Variants in TRARG1 observed in about 807,000 individuals in gnomAD.
TRARG1 encodes trafficking regulator of GLUT4 1.
In TRARG1, 16 loss-of-function variants were observed where a neutral mutation model predicts 13.3. The observed-to-expected ratio is 1.20, with a 90% CI of 0.81 to 1.83. TRARG1 has a LOEUF of 1.83. TRARG1 is among the 40% of genes most tolerant of loss of function. TRARG1 has a pLI of 0.00. For missense variants in TRARG1, 250 were observed against 237.4 expected, an observed-to-expected ratio of 1.05 and a Z score of -0.35; for synonymous variants, 113 against 106.2, an observed-to-expected ratio of 1.06 and a Z score of -0.39.
chr17:1,293,983 G>T (rs946037307), intron 1 of TRARG1, among the ~76,000 whole-genome samples: 1 of 152,186 alleles, frequency 6.6e-6, no homozygotes, highest in Non-Finnish European at 1.5e-5. Context: ...TGCCTGGCAT[G>T]AAGTAAAATC....
chr17:1,289,997 A>C (rs552828709), intron 1 of TRARG1, among the ~76,000 whole-genome samples: 1 of 152,214 alleles, frequency 6.6e-6, no homozygotes, highest in East Asian at 1.9e-4. Flanking sequence ...TCCTCCCAGC[A>C]CCCAAGCCGG....
Position 1,294,532 on chromosome 17 carries a change from T to TCCTGGCTCACTGCAAC in TRARG1, c.388-958_388-957insCTGGCTCACTGCAACC, listed in dbSNP as rs769003951. On this transcript the variant is annotated intron_variant, in intron 1 of 2. Transcript: ENST00000333813. The stretch of plus-strand genomic sequence containing the variant: ...ACCAGGCTGGAGTGCAATGGCGCAA[T>TCCTGGCTCACTGCAAC]CTTGGCTCACTGCAACCTCCACCTC... Among the ~76,000 whole-genome samples the TCCTGGCTCACTGCAAC allele has an allele frequency of 3.2e-3, 452 of 140,116 alleles. 1 individual carries two copies. The highest frequency in any genetic ancestry group is 0.012 in the Middle Eastern group (3 of 256). The allele number at this position is 140,116 out of a possible 152,430, so 91.9% of individuals were successfully genotyped here.
intron 1 of TRARG1, among the ~76,000 whole-genome samples, chr17:1,281,949 CACAT>C (rs2071975545): frequency 6.6e-6 from 1 of 151,616 alleles, no homozygotes; most frequent in African/African-American, 2.4e-5. Flanking sequence ...TACATATATG[CACAT>C]ACATGTACAT....
rs568148069 is a variant in TRARG1 at position 1,280,254 on chromosome 17, A to C, written c.253A>C (p.Arg85=). ...GTCCCCCTCCCGGGCCAGCTCAAGG[A>C]GGGCGTCCTCCATCGCCACCACCTC... The part of the protein sequence containing the change: ...PRSPSRASSR[R]ASSIATTSYA... The change falls in exon 1 of 3, where the codon AGG becomes CGG. Residue 85 remains arginine (R), a synonymous_variant. Coordinates refer to ENST00000333813, the MANE Select transcript of TRARG1 (RefSeq NM_172367.3). The C allele has an allele frequency of 1.2e-6, 2 of 1,614,034 alleles. No homozygotes were observed. Among genetic ancestry groups the C allele is most frequent in the South Asian group, 1.1e-5 (1 of 91,048 alleles).
rs2072128049 is a variant in TRARG1 at position 1,298,394 on chromosome 17, C to G, written c.*130C>G. On this transcript the variant is annotated 3_prime_UTR_variant, in exon 3 of 3. Coordinates refer to ENST00000333813, the MANE Select transcript of TRARG1 (RefSeq NM_172367.3). Reference sequence around the variant, plus strand: ...TCCCCAAGTTCCAAAAGCACAGACTCAAAGGGAAACCCCCCAGTCACCCAC... The same window carrying G: ...TCCCCAAGTTCCAAAAGCACAGACTGAAAGGGAAACCCCCCAGTCACCCAC... 2.4e-5 allele frequency: 23 copies of G among 968,336 alleles called. No homozygotes were observed. The highest frequency in any genetic ancestry group is 3.1e-5 in the Non-Finnish European group (20 of 651,690). The allele number at this position is 968,336 out of a possible 1,614,324, so 60.0% of individuals were successfully genotyped here.
intron 2 of TRARG1, among the ~76,000 whole-genome samples, chr17:1,296,296 A>G (rs2072110167): frequency 2.0e-5 from 3 of 152,134 alleles, no homozygotes; most frequent in Non-Finnish European, 1.5e-5. Flanking sequence ...TTCCGGGTTC[A>G]AGTGATTCTC....
At position 1,300,040 on chromosome 17, in the gene TRARG1, A is replaced by C. The variant is rs1192309477; in HGVS notation, c.*1776A>C. The C allele has an allele frequency of 3.3e-5, 5 of 152,182 alleles. No individual in the cohort carries two copies. The highest frequency in any genetic ancestry group is 1.2e-4 in the African/African-American group (5 of 41,406). 9.4% of individuals were successfully genotyped at this position (152,182 alleles called of 1,614,324 possible). A position where few individuals can be genotyped will look rare whatever the true frequency, so the allele number is the denominator to read the frequency against. The stretch of plus-strand genomic sequence containing the variant: ...GGCTGGTGTTCCTACGTCAGTCCCC[A>C]CCTGGGGAATAAACTCCAGCCTCTC... On this transcript the variant is annotated 3_prime_UTR_variant, in exon 3 of 3. Transcript: ENST00000333813.
In TRARG1 at chr17:1,299,808, G is replaced by C. The variant is rs552503505; in HGVS notation, c.*1544G>C. ...AAGTCAGCATCCTTTGTCCCATCAG[G>C]ACCCTCCTGCCTCCTCTCCAGGCCC... On this transcript the variant is annotated 3_prime_UTR_variant, in exon 3 of 3. Coordinates refer to ENST00000333813, the MANE Select transcript of TRARG1 (RefSeq NM_172367.3). 4.6e-5 allele frequency: 7 copies of C among 150,656 alleles called. No homozygotes were observed. The East Asian group carries it at 1.3e-3, about 29-fold the overall frequency. The allele number at this position is 150,656 out of a possible 1,614,324, so 9.3% of individuals were successfully genotyped here.
chr17:1,291,866 A>C (rs1204759546), intron 1 of TRARG1, among the ~76,000 whole-genome samples: 1 of 152,198 alleles, frequency 6.6e-6, no homozygotes, highest in Non-Finnish European at 1.5e-5. Context: ...ACCTCAAGCA[A>C]CTCAGACTGG....
chr17:1,290,310 T>A (rs1298084620), intron 1 of TRARG1, among the ~76,000 whole-genome samples: 2 of 152,148 alleles, frequency 1.3e-5, no homozygotes, highest in African/African-American at 4.8e-5. Flanking sequence ...TGTTGTTTTG[T>A]TTTGAGATGG....
chr17:1,290,327 G>C (rs1010514021), intron 1 of TRARG1, among the ~76,000 whole-genome samples: 1 of 152,020 alleles, frequency 6.6e-6, no homozygotes, highest in Admixed American at 6.6e-5. Context: ...ATGGAGTTTC[G>C]CTCTGTTGCC....
At chr17:1,288,366 C>CCCCATCCCCCACGGGT (rs2072039711) in intron 1 of TRARG1, among the ~76,000 whole-genome samples, 2 of 56,890 alleles carry the variant, frequency 3.5e-5, no homozygotes, top group Non-Finnish European at 5.8e-5. Context: ...CCCCCATGGG[C>CCCCATCCCCCACGGGT]TCCCCATCCC....
chr17:1,279,914 C>A lies in TRARG1; in HGVS notation c.-88C>A. On this transcript the variant is annotated 5_prime_UTR_variant, in exon 1 of 3. Coordinates refer to ENST00000333813, the MANE Select transcript of TRARG1 (RefSeq NM_172367.3). ...CCCCTGCCCCCGACCTGGAGGCCCT[C>A]AGTCTGGGCTGGGGAATGGCGCGCT... 6.8e-7 allele frequency: 1 copy of A among 1,468,066 alleles called. No homozygotes were observed. Among genetic ancestry groups the A allele is most frequent in the Non-Finnish European group, 9.1e-7 (1 of 1,098,024 alleles). 90.9% of individuals were successfully genotyped at this position (1,468,066 alleles called of 1,614,324 possible). A position where few individuals can be genotyped will look rare whatever the true frequency, so the allele number is the denominator to read the frequency against.
intron 1 of TRARG1, among the ~76,000 whole-genome samples, chr17:1,287,813 C>T (rs957336121): frequency 3.3e-5 from 5 of 151,990 alleles, no homozygotes; most frequent in Middle Eastern, 3.2e-3. Context: ...CCATCAAGCC[C>T]GGCTGATATT....
At position 1,279,874 on chromosome 17, in the gene TRARG1, G is replaced by T; in HGVS notation, c.-128G>T. 2 of 1,127,054 alleles carry T rather than the reference G, an allele frequency of 1.8e-6. No homozygotes were observed. The allele number at this position is 1,127,054 out of a possible 1,614,324, so 69.8% of individuals were successfully genotyped here. On this transcript the variant is annotated 5_prime_UTR_variant, in exon 1 of 3. Transcript: ENST00000333813. ...CCTTCCAGCACCCAGCCGGCCCTCC[G>T]TCTCCTGAGGGACGCCCCTGCCCCC...
intron 1 of TRARG1, among the ~76,000 whole-genome samples, chr17:1,282,236 G>GTATATGTAAGTATATGTACA (rs1567928220): frequency 7.8e-6 from 1 of 128,026 alleles, no homozygotes; most frequent in Non-Finnish European, 1.6e-5. Flanking sequence ...GTATATGTAC[G>GTATATGTAAGTATATGTACA]TATATGCACG....
At chr17:1,282,925 G>A (rs1280278687) in intron 1 of TRARG1, among the ~76,000 whole-genome samples, 2 of 151,516 alleles carry the variant, frequency 1.3e-5, no homozygotes, top group African/African-American at 2.4e-5. Context: ...CCTGATCTCA[G>A]GTGATCCTCC....
At chr17:1,282,071 T>TATACACAC (rs1480063930) in intron 1 of TRARG1, among the ~76,000 whole-genome samples, 1 of 149,852 alleles carries the variant, frequency 6.7e-6, no homozygotes, top group African/African-American at 2.4e-5. Flanking sequence ...TGTATACACA[T>TATACACAC]ATATACATAT....
intron 1 of TRARG1, 108 bp from the exon 2 acceptor site, chr17:1,295,381 ATG>A: frequency 7.4e-7 from 1 of 1,358,604 alleles, no homozygotes; most frequent in South Asian, 1.4e-5. Context: ...TGGGGACGGG[ATG>A]TGTCTGGAGG....
Sources: gnomAD v4.1 joint callset for allele counts (sites outside exome capture counted in the v4.1 genomes callset) on GRCh38, gnomAD v4.1.1 for gene constraint, MANE v1.5 for transcripts, NCBI Gene and HGNC (gene_info 2026-07-23, HGNC 2026-07-21) for gene names.